The following PRKAR1A variants were observed in gnomAD, a reference collection of about 807,000 sequenced individuals.
The protein encoded by PRKAR1A is protein kinase cAMP-dependent type I regulatory subunit alpha.
Under a neutral mutation model 52.0 loss-of-function variants are expected in PRKAR1A, and 3 were observed. That is an observed-to-expected ratio of 0.06 (90% CI 0.03 to 0.15). The LOEUF (loss-of-function observed/expected upper bound fraction) is 0.15. PRKAR1A is among the 10% of genes least tolerant of loss of function. PRKAR1A has a pLI of 1.00. For missense variants in PRKAR1A, 240 were observed against 477.4 expected, an observed-to-expected ratio of 0.50 and a Z score of 4.63; for synonymous variants, 188 against 168.4, an observed-to-expected ratio of 1.12 and a Z score of -0.90.
At chr17:68,473,042 C>T in the PRKAR1A span, among the ~76,000 whole-genome samples, 6 of 152,016 alleles carry the variant, frequency 3.9e-5, no homozygotes, top group Admixed American at 6.6e-5. Flanking sequence ...ACTAGGTCAT[C>T]GACATACTTT....
the PRKAR1A span, chr17:68,453,088 A>G: frequency 2.2e-6 from 2 of 928,960 alleles, no homozygotes; most frequent in African/African-American, 1.6e-5. Flanking sequence ...CCTCAGGGGT[A>G]CAGTAAACAA....
At chr17:68,503,160 G>A in the PRKAR1A span, among the ~76,000 whole-genome samples, 2 of 152,176 alleles carry the variant, frequency 1.3e-5, no homozygotes, top group Non-Finnish European at 2.9e-5. Context: ...ATTAAAACAA[G>A]GAGGAACCAC....
At chr17:68,444,915 CTTTTT>C in the PRKAR1A span, among the ~76,000 whole-genome samples, 7 of 89,084 alleles carry the variant, frequency 7.9e-5, no homozygotes, top group Non-Finnish European at 1.3e-4. Context: ...ATCCTGAACA[CTTTTT>C]TTTTTTTTTT....
chr17:68,511,386 T>C (rs2085262090), upstream of PRKAR1A, among the ~76,000 whole-genome samples: 2 of 152,000 alleles, frequency 1.3e-5, no homozygotes. Context: ...ACAGATACTC[T>C]GATGGAAAAA....
At chr17:68,484,460 T>C in the PRKAR1A span, among the ~76,000 whole-genome samples, 110 of 91,482 alleles carry the variant, frequency 1.2e-3, 1 homozygote, top group Middle Eastern at 0.018. Flanking sequence ...CGTGGTATCT[T>C]TTTTTTTTTT....
At chr17:68,541,038 C>CCCCCAATCCCTGCCT in intron 11 of PRKAR1A, 1 of 1,543,188 alleles carries the variant, frequency 6.5e-7, no homozygotes. Context: ...TCCCCCTGCC[C>CCCCCAATCCCTGCCT]CCCCAATCCC....
downstream of PRKAR1A, chr17:68,537,617 G>A (rs190227580): frequency 3.3e-5 from 53 of 1,613,826 alleles, no homozygotes; most frequent in Admixed American, 8.2e-4. This position sits in a 1 kb window ranked among gnomAD's most constrained non-coding sequence, Gnocchi z 4.2. Context: ...TCCAGGGCAA[G>A]GAGGTGGGGT....
At chr17:68,450,589 G>A in the PRKAR1A span, 54 of 1,161,574 alleles carry the variant, frequency 4.6e-5, no homozygotes, top group South Asian at 4.1e-4. Context: ...CAATACCCCC[G>A]GGACACGGGG....
intron 11 of PRKAR1A, among the ~76,000 whole-genome samples, chr17:68,538,920 G>T (rs573024523): frequency 6.6e-6 from 1 of 152,302 alleles, no homozygotes; most frequent in South Asian, 2.1e-4. Context: ...TCTGAGAAAT[G>T]TATCCTTAAG....
the PRKAR1A span, among the ~76,000 whole-genome samples, chr17:68,440,400 C>T: frequency 6.6e-6 from 1 of 152,122 alleles, no homozygotes; most frequent in South Asian, 2.1e-4. Flanking sequence ...ACAGGTGTTA[C>T]ACAAAGCCTT....
downstream of PRKAR1A, chr17:68,536,676 C>T: frequency 2.2e-6 from 1 of 453,338 alleles, no homozygotes; most frequent in South Asian, 1.6e-5. Flanking sequence ...CTGCCTTACT[C>T]CAGGCTTGTG....
the PRKAR1A span, among the ~76,000 whole-genome samples, chr17:68,480,117 T>C: frequency 0.23 from 35,577 of 152,208 alleles, 4,401 homozygotes; most frequent in Non-Finnish European, 0.26. Flanking sequence ...CATGTTTCAT[T>C]TCTAGAAGTT....
intron 5 of PRKAR1A, among the ~76,000 whole-genome samples, chr17:68,524,681 T>G (rs557868663): frequency 6.6e-6 from 1 of 152,328 alleles, no homozygotes; most frequent in Non-Finnish European, 1.5e-5. Flanking sequence ...ATATGTAGCT[T>G]TTAAAAATTT....
At chr17:68,419,054 G>A in the PRKAR1A span, among the ~76,000 whole-genome samples, 1 of 148,264 alleles carries the variant, frequency 6.7e-6, no homozygotes, top group Non-Finnish European at 1.5e-5. Context: ...ATCATAAAGA[G>A]CCAAGGAAGC....
chr17:68,523,951 C>G, intron 4 of PRKAR1A, 65 bp from the exon 5 acceptor site: 1 of 1,597,296 alleles, frequency 6.3e-7, no homozygotes, highest in Non-Finnish European at 8.6e-7. Flanking sequence ...TAATTCTAAG[C>G]TTAATGTTTG....
At chr17:68,490,705 G>T in the PRKAR1A span, among the ~76,000 whole-genome samples, 1 of 152,102 alleles carries the variant, frequency 6.6e-6, no homozygotes, top group African/African-American at 2.4e-5. Flanking sequence ...AGAGAGAATA[G>T]AGGAGAAAAA....
chr17:68,504,429 T>G, the PRKAR1A span, among the ~76,000 whole-genome samples: 261 of 152,296 alleles, frequency 1.7e-3, 1 homozygote, highest in African/African-American at 5.8e-3. Flanking sequence ...ATCGTGCCAC[T>G]GCACTCCAGC....
At chr17:68,441,940 T>G in the PRKAR1A span, among the ~76,000 whole-genome samples, 1 of 152,208 alleles carries the variant, frequency 6.6e-6, no homozygotes, top group African/African-American at 2.4e-5. Flanking sequence ...CTGGATCCTT[T>G]CATAAGGAGG....
At chr17:68,443,365 G>A in the PRKAR1A span, among the ~76,000 whole-genome samples, 1 of 152,076 alleles carries the variant, frequency 6.6e-6, no homozygotes, top group African/African-American at 2.4e-5. Flanking sequence ...CACCCGCCTC[G>A]GCCTCCCAAT....
Sources: gnomAD v4.1 joint callset for allele counts (sites outside exome capture counted in the v4.1 genomes callset) on GRCh38, gnomAD v4.1.1 for gene constraint, Gnocchi (gnomAD v3.1) non-coding constraint, MANE v1.5 for transcripts, NCBI Gene and HGNC (gene_info 2026-07-23, HGNC 2026-07-21) for gene names.